The following IPO11 variants were observed in gnomAD, a reference collection of about 807,000 sequenced individuals.
The protein encoded by IPO11 is importin-11.
IPO11 carries 66 observed loss-of-function variants against 143.2 expected under a neutral mutation model. That is an observed-to-expected ratio of 0.46 (90% confidence interval 0.38 to 0.57). The LOEUF (loss-of-function observed/expected upper bound fraction) is 0.57. IPO11 is among the 20% of genes least tolerant of loss of function. IPO11 has a pLI of 0.00. For missense variants in IPO11, 1,026 were observed against 1,141.0 expected (o/e 0.90, Z 1.45); for synonymous variants, 385 against 377.8 (o/e 1.02, Z -0.22).
rs143147802 is a variant in IPO11 at position 62,575,781 on chromosome 5, A to G, written c.2582+14524A>G. 2.0e-4 allele frequency among the ~76,000 whole-genome samples: 31 copies of G among 152,272 alleles called. No individual in the cohort carries two copies. In the East Asian group the frequency reaches 6.0e-3, roughly 29 times the overall value. ...GTGTTATCTGATTTCCCCACTGTGT[A>G]TAGTTACTATGTTGTTATTTTTTTT... On this transcript the variant is annotated intron_variant, in intron 27 of 29. Transcript: ENST00000325324.
At chr5:62,500,444 T>G (rs1741309515) in intron 16 of IPO11, among the ~76,000 whole-genome samples, 1 of 152,178 alleles carries the variant, frequency 6.6e-6, no homozygotes, top group South Asian at 2.1e-4. Context: ...AGTAACGTAG[T>G]TGCTTATTTT....
At chr5:62,535,941 ATTATT>A (rs975944482) in intron 22 of IPO11, among the ~76,000 whole-genome samples, 1 of 152,146 alleles carries the variant, frequency 6.6e-6, no homozygotes, top group Admixed American at 6.5e-5. Flanking sequence ...CCTTTGTATT[ATTATT>A]TTAAGTAGTG....
chr5:62,416,916 A>G (rs1251311469), intron 1 of IPO11, among the ~76,000 whole-genome samples: 1 of 151,342 alleles, frequency 6.6e-6, no homozygotes, highest in Admixed American at 6.6e-5. Flanking sequence ...TTTTTTTTGT[A>G]GAGATGGGGT....
chr5:62,568,039 C>A (rs1025677550), intron 27 of IPO11, among the ~76,000 whole-genome samples: 1 of 152,010 alleles, frequency 6.6e-6, no homozygotes, highest in Non-Finnish European at 1.5e-5. Context: ...AATCATGGCT[C>A]ACTGCAGCCT....
chr5:62,493,390 A>G (rs573425380), intron 15 of IPO11, among the ~76,000 whole-genome samples: 2 of 152,234 alleles, frequency 1.3e-5, no homozygotes, highest in East Asian at 3.9e-4. Context: ...TTGAGCTAAA[A>G]CCAAATGGAT....
chr5:62,568,176 G>T (rs1744020235), intron 27 of IPO11, among the ~76,000 whole-genome samples: 1 of 149,672 alleles, frequency 6.7e-6, no homozygotes, highest in African/African-American at 2.5e-5. Context: ...ATGTTGCCCA[G>T]TCTGGTCAGA....
chr5:62,596,424 G>A (rs1049922063), intron 28 of IPO11, among the ~76,000 whole-genome samples: 1 of 152,150 alleles, frequency 6.6e-6, no homozygotes. Flanking sequence ...TCTGTAGTCA[G>A]TGGAGGTCCA....
intron 9 of IPO11, among the ~76,000 whole-genome samples, chr5:62,478,637 C>G (rs1746056237): frequency 1.3e-5 from 2 of 152,206 alleles, no homozygotes; most frequent in Admixed American, 1.3e-4. Flanking sequence ...CCCTTTCCAT[C>G]TGTTCCAAAG....
Position 62,443,064 on chromosome 5 carries a change from T to C in IPO11, c.220T>C (p.Trp74Arg). Residue 74 changes from tryptophan to arginine, a missense_variant, in exon 3 of 30, where the codon TGG becomes CGG. Physicochemically the swap from Trp to Arg is moderately radical, Grantham distance 101. Around this residue, in one of 5 missense-constraint regions of IPO11, gnomAD observed 429 missense variants for 456.3 expected, o/e 0.94. Transcript: ENST00000325324. ...LYFKHGIDRY[W>R]RRVAPHALSE... ...TTTTAAACATGGAATTGATCGCTAC[T>C]GGAGACGTGTAGCACCTCAGTAAGT... The C allele has an allele frequency of 6.2e-7, 1 of 1,607,774 alleles. No individual in the cohort carries two copies.
chr5:62,461,169 A>T (rs1745344872), intron 5 of IPO11, among the ~76,000 whole-genome samples: 1 of 151,992 alleles, frequency 6.6e-6, no homozygotes. Context: ...ATTGTGCTCA[A>T]CTCTGAATAC....
At chr5:62,462,877 C>T (rs1745415060) in intron 5 of IPO11, among the ~76,000 whole-genome samples, 1 of 148,424 alleles carries the variant, frequency 6.7e-6, no homozygotes. Context: ...TAGTTACTGT[C>T]ACCATCCTTT....
intron 19 of IPO11, among the ~76,000 whole-genome samples, chr5:62,507,304 T>G (rs1580260086): frequency 6.6e-6 from 1 of 152,206 alleles, no homozygotes; most frequent in South Asian, 2.1e-4. Flanking sequence ...GAAACAGATC[T>G]GGGTACTGGT....
At chr5:62,487,964 A>C in intron 13 of IPO11, 103 bp downstream of exon 13, 3 of 937,184 alleles carry the variant, frequency 3.2e-6, no homozygotes, top group Non-Finnish European at 4.7e-6. Context: ...CCTGGGTCAT[A>C]TAATAAATAT....
At chr5:62,525,272 C>T (rs901356412) in intron 20 of IPO11, among the ~76,000 whole-genome samples, 2 of 151,730 alleles carry the variant, frequency 1.3e-5, no homozygotes, top group African/African-American at 4.8e-5. Context: ...AATTCTTTGA[C>T]ATGTGGAATT....
At chr5:62,478,272 C>T (rs949221310) in intron 9 of IPO11, among the ~76,000 whole-genome samples, 2 of 152,014 alleles carry the variant, frequency 1.3e-5, no homozygotes, top group East Asian at 3.9e-4. Context: ...CTCAAGTGAT[C>T]CTTCCACCTC....
At chr5:62,577,717 TGAATTTTTAGTCATA>T (rs753857296) in intron 27 of IPO11, among the ~76,000 whole-genome samples, 111 of 152,272 alleles carry the variant, frequency 7.3e-4, no homozygotes, top group Non-Finnish European at 1.2e-3. Context: ...TATGCATTGC[TGAATTTTTAGTCATA>T]GAAAGATAAT....
At chr5:62,614,847 G>A (rs745405374) in intron 29 of IPO11, among the ~76,000 whole-genome samples, 17 of 152,154 alleles carry the variant, frequency 1.1e-4, no homozygotes, top group Non-Finnish European at 2.4e-4. Context: ...CAGACTTGAA[G>A]ATGGTGAATG....
intron 29 of IPO11, among the ~76,000 whole-genome samples, chr5:62,624,980 CAAAAAAAAA>C (rs141431600): frequency 1.2e-4 from 11 of 89,702 alleles, no homozygotes; most frequent in South Asian, 1.1e-3. Context: ...GCGAGAGACT[CAAAAAAAAA>C]AAAAAAAAAA....
chr5:62,520,954 G>C (rs1319496634), intron 20 of IPO11, among the ~76,000 whole-genome samples: 1 of 152,226 alleles, frequency 6.6e-6, no homozygotes, highest in African/African-American at 2.4e-5. Flanking sequence ...GGTTGAACTA[G>C]TTTACAGTCC....
Sources: allele counts gnomAD v4.1 joint callset (sites outside exome capture counted in the v4.1 genomes callset), GRCh38; gene constraint gnomAD v4.1.1; regional missense constraint gnomAD v4.1.1; transcripts MANE v1.5; gene names NCBI Gene and HGNC (gene_info 2026-07-23, HGNC 2026-07-21).